FAT3: variants seen among roughly 807,000 people sequenced by gnomAD.
FAT3 encodes the protein protocadherin Fat 3.
In FAT3, 95 loss-of-function variants were observed where a neutral mutation model predicts 310.2. The observed-to-expected ratio is 0.31, with a 90% CI of 0.26 to 0.36. The LOEUF (loss-of-function observed/expected upper bound fraction) is 0.36. Among genes scored for constraint, FAT3 ranks in the 10% least tolerant of loss-of-function variants. The pLI, the probability that FAT3 is intolerant of heterozygous loss-of-function variation, is 1.00. For missense variants in FAT3, 5,408 were observed against 5,715.6 expected, an observed-to-expected ratio of 0.95 and a Z score of 1.74; for synonymous variants, 2,314 against 2,192.9, an observed-to-expected ratio of 1.06 and a Z score of -1.54.
At chr11:92,391,426 A>G (rs918073352) in intron 2 of FAT3, among the ~76,000 whole-genome samples, 1 of 152,148 alleles carries the variant, frequency 6.6e-6, no homozygotes, top group African/African-American at 2.4e-5. Flanking sequence ...AAGCAAAATG[A>G]GTGTCAATCA....
intron 3 of FAT3, among the ~76,000 whole-genome samples, chr11:92,558,621 T>C (rs111824600): frequency 2.0e-5 from 3 of 152,280 alleles, no homozygotes; most frequent in Non-Finnish European, 4.4e-5. Flanking sequence ...TTTGTTTTGT[T>C]TTATTTCTGT....
Position 92,660,193 on chromosome 11 carries a change from T to C in FAT3, c.3608-37191T>C, listed in dbSNP as rs148017898. Among the ~76,000 whole-genome samples, 14 of 152,136 alleles carry C rather than the reference T, an allele frequency of 9.2e-5. No individual in the cohort carries two copies. In the East Asian group the frequency reaches 2.7e-3, roughly 29 times the overall value. On this transcript the variant is annotated intron_variant, in intron 3 of 27. Transcript: ENST00000525166. ...AGCAACATTTGTTTATTATTTATTA[T>C]TATTATTGGCAAACTGAACATCTAA...
chr11:92,863,911 A>C (rs1235539640), intron 21 of FAT3, among the ~76,000 whole-genome samples: 2 of 152,252 alleles, frequency 1.3e-5, no homozygotes, highest in Non-Finnish European at 2.9e-5. Context: ...AGTTTGTCAT[A>C]TAAACAAAGC....
chr11:92,345,583 T>C (rs1370025747), intron 1 of FAT3, among the ~76,000 whole-genome samples: 1 of 152,198 alleles, frequency 6.6e-6, no homozygotes. Context: ...TCTGATGGTC[T>C]CTAGAGTTTA....
intron 3 of FAT3, among the ~76,000 whole-genome samples, chr11:92,573,470 T>A (rs1288268016): frequency 1.3e-5 from 2 of 152,136 alleles, no homozygotes; most frequent in Non-Finnish European, 2.9e-5. Context: ...CAAAAAGATA[T>A]GTCCAAGCTT....
intron 3 of FAT3, among the ~76,000 whole-genome samples, chr11:92,693,894 C>T (rs1943865021): frequency 6.6e-6 from 1 of 152,152 alleles, no homozygotes; most frequent in African/African-American, 2.4e-5. Flanking sequence ...TTCATTTCAA[C>T]CCTTCTTCAT....
chr11:92,591,169 A>AT (rs1939406142), intron 3 of FAT3, among the ~76,000 whole-genome samples: 1 of 152,182 alleles, frequency 6.6e-6, no homozygotes, highest in African/African-American at 2.4e-5. Context: ...GAACAAAGCA[A>AT]TAAAACCCAT....
At chr11:92,444,520 T>C (rs1488959559) in intron 2 of FAT3, among the ~76,000 whole-genome samples, 1 of 151,906 alleles carries the variant, frequency 6.6e-6, no homozygotes, top group Non-Finnish European at 1.5e-5. Flanking sequence ...ATTTGATAAA[T>C]GAAATAAATA....
intron 3 of FAT3, among the ~76,000 whole-genome samples, chr11:92,561,998 T>C (rs1361542676): frequency 1.3e-5 from 2 of 152,176 alleles, no homozygotes; most frequent in African/African-American, 4.8e-5. Flanking sequence ...TGTGTCTACA[T>C]TTATTCATTA....
At chr11:92,706,557 T>C (rs1944359677) in intron 4 of FAT3, among the ~76,000 whole-genome samples, 1 of 152,186 alleles carries the variant, frequency 6.6e-6, no homozygotes, top group Admixed American at 6.5e-5. Flanking sequence ...ACATTTACAT[T>C]CCACATCTCT....
At chr11:92,850,510 T>C (rs1948798570) in intron 19 of FAT3, among the ~76,000 whole-genome samples, 1 of 152,190 alleles carries the variant, frequency 6.6e-6, no homozygotes, top group African/African-American at 2.4e-5. Flanking sequence ...GAGAGAACCA[T>C]AAGAAATGAC....
intron 1 of FAT3, chr11:92,336,230 A>G: frequency 1.8e-6 from 1 of 567,062 alleles, no homozygotes; most frequent in Non-Finnish European, 3.5e-6. Context: ...AGAAGAAGAC[A>G]ACTCACATGT....
chr11:92,838,375 T>C (rs1307962246), intron 17 of FAT3, among the ~76,000 whole-genome samples: 1 of 152,238 alleles, frequency 6.6e-6, no homozygotes, highest in East Asian at 1.9e-4. Flanking sequence ...CCACCTGCTC[T>C]TTAAAATCAG....
In FAT3 at chr11:92,354,995, T is replaced by C. The variant is rs1193691485; in HGVS notation, c.2883T>C (p.His961=). The C allele has an allele frequency of 6.2e-7, 1 of 1,613,872 alleles. No individual in the cohort carries two copies. The highest frequency in any genetic ancestry group is 1.1e-5 in the South Asian group (1 of 91,082). The change falls in exon 2 of 28, where the codon CAT becomes CAC. Residue 961 remains histidine, a synonymous_variant. Coordinates refer to ENST00000525166, the MANE Select transcript of FAT3 (RefSeq NM_001367949.2). ...CTGTCATTGCTTGGCTTGAGACCCA[T>C]GATCCAGATCTTGGACTGGGGGGTC... The part of the protein sequence containing the change: ...VGTVIAWLET[H]DPDLGLGGQV...
intron 3 of FAT3, among the ~76,000 whole-genome samples, chr11:92,667,191 C>A (rs890356805): frequency 2.0e-5 from 3 of 152,210 alleles, no homozygotes; most frequent in Non-Finnish European, 2.9e-5. Context: ...TCTGATTTAG[C>A]TACACATGTG....
rs1360678371 is a variant in FAT3, at chr11:92,799,127, T to C, written c.6114T>C (p.Thr2038=). Residue 2038 remains threonine, a synonymous_variant, in exon 10 of 28, where the codon ACT becomes ACC. Coordinates refer to ENST00000525166, the MANE Select transcript of FAT3 (RefSeq NM_001367949.2). ...CTACCTCAGGGGTCATTCAGACGAC[T>C]GGAGTCCCCTTTGACCGTGAAGAAC... ...IKSTSGVIQT[T]GVPFDREEQE... 1 of 1,613,982 alleles carries C rather than the reference T, an allele frequency of 6.2e-7. No homozygotes were observed. The highest frequency in any genetic ancestry group is 1.7e-4 in the Middle Eastern group (1 of 6,060).
chr11:92,353,508 A>G lies in FAT3; in HGVS notation c.1396A>G (p.Asn466Asp), dbSNP rs1948631666. ...GGTCACCATCAGCATAGAAGATGCAAATGACCACACCCCAGAATTTCAGCA... is the reference window on the plus strand; with the variant it reads ...GGTCACCATCAGCATAGAAGATGCAGATGACCACACCCCAGAATTTCAGCA... ...AQVTISIEDA[N>D]DHTPEFQQPL... is the part of the protein sequence containing the mutation. Residue 466 changes from asparagine to aspartate, a missense_variant, in exon 2 of 28, where the codon AAT becomes GAT. Asn to Asp is a conservative substitution (Grantham distance 23). Around this residue, in one of 5 missense-constraint regions of FAT3, gnomAD observed 4,588 missense variants for 4,809.8 expected, o/e 0.95. Transcript: ENST00000525166. 6.2e-7 allele frequency: 1 copy of G among 1,613,452 alleles called. No individual in the cohort carries two copies. Among genetic ancestry groups the G allele is most frequent in the African/African-American group, 1.3e-5 (1 of 74,932 alleles).
chr11:92,610,238 G>A (rs1438288199), intron 3 of FAT3, among the ~76,000 whole-genome samples: 1 of 152,126 alleles, frequency 6.6e-6, no homozygotes, highest in Non-Finnish European at 1.5e-5. Context: ...TTTTTATTGA[G>A]CATCTAGCCG....
chr11:92,460,250 G>T (rs549647266), intron 2 of FAT3, among the ~76,000 whole-genome samples: 1 of 136,442 alleles, frequency 7.3e-6, no homozygotes, highest in South Asian at 2.1e-4. Context: ...TTAAGCTCTT[G>T]TCTGGTCCCT....
Sources: gnomAD v4.1 joint callset for allele counts (sites outside exome capture counted in the v4.1 genomes callset) on GRCh38, gnomAD v4.1.1 for gene constraint, gnomAD v4.1.1 regional missense constraint, MANE v1.5 for transcripts, NCBI Gene and HGNC (gene_info 2026-07-23, HGNC 2026-07-21) for gene names.